The following CTNNA2 variants were observed in gnomAD, a reference collection of about 807,000 sequenced individuals.
CTNNA2 encodes the protein catenin alpha 2.
In CTNNA2, 42 loss-of-function variants were observed where a neutral mutation model predicts 101.0. That is an observed-to-expected ratio of 0.42 (90% CI 0.32 to 0.54). The LOEUF is 0.54. Among genes scored for constraint, CTNNA2 ranks in the 20% least tolerant of loss-of-function variants. The probability of loss-of-function intolerance (pLI) is 0.14; values close to 1 mark genes in which losing one functional copy is unlikely to be tolerated. For missense variants in CTNNA2, 871 were observed against 1,223.1 expected (o/e 0.71, Z 4.29); for synonymous variants, 450 against 456.4 (o/e 0.99, Z 0.18).
chr2:80,265,097 C>G (rs1672905269), intron 7 of CTNNA2, among the ~76,000 whole-genome samples: 1 of 151,776 alleles, frequency 6.6e-6, no homozygotes, highest in African/African-American at 2.4e-5. Flanking sequence ...GGCTCAGCCT[C>G]CTGAGTAGCT....
intron 9 of CTNNA2, among the ~76,000 whole-genome samples, chr2:80,457,847 C>G (rs1481323451): frequency 6.6e-6 from 1 of 151,882 alleles, no homozygotes; most frequent in Admixed American, 6.6e-5. Context: ...TTTTTTTTCT[C>G]TTGTTTAAAA....
At chr2:80,139,867 T>C (rs1702902392) in intron 7 of CTNNA2, among the ~76,000 whole-genome samples, 1 of 152,114 alleles carries the variant, frequency 6.6e-6, no homozygotes, top group Non-Finnish European at 1.5e-5. Context: ...TCTTGGGTGT[T>C]CTGCAAACAA....
intron 7 of CTNNA2, among the ~76,000 whole-genome samples, chr2:80,290,645 A>G (rs963352759): frequency 3.3e-5 from 5 of 151,840 alleles, no homozygotes; most frequent in African/African-American, 1.2e-4. Flanking sequence ...AATACCACAG[A>G]TATGTTGTAT....
chr2:79,318,403 G>T (rs1349605352), intron 3 of CTNNA2, among the ~76,000 whole-genome samples: 2 of 152,130 alleles, frequency 1.3e-5, no homozygotes, highest in East Asian at 3.9e-4. Context: ...GCATTGACTT[G>T]TTCTTACTCC....
chr2:79,783,455 T>C (rs1222893450), intron 3 of CTNNA2, among the ~76,000 whole-genome samples: 1 of 152,188 alleles, frequency 6.6e-6, no homozygotes, highest in South Asian at 2.1e-4. Flanking sequence ...TGTAAACTTA[T>C]TTCTCTCTTC....
At chr2:80,287,949 C>T (rs1674913094) in intron 7 of CTNNA2, among the ~76,000 whole-genome samples, 1 of 152,192 alleles carries the variant, frequency 6.6e-6, no homozygotes, top group South Asian at 2.1e-4. Context: ...TTTGCGAATA[C>T]AGATATGTGG....
chr2:79,860,369 A>G (rs1182331157), intron 4 of CTNNA2, among the ~76,000 whole-genome samples: 3 of 151,884 alleles, frequency 2.0e-5, no homozygotes, highest in Non-Finnish European at 2.9e-5. Flanking sequence ...TACACTCCAC[A>G]CTCGAGAAGT....
intron 3 of CTNNA2, among the ~76,000 whole-genome samples, chr2:79,358,204 CTT>C (rs1244351658): frequency 1.1e-4 from 15 of 142,184 alleles, no homozygotes; most frequent in East Asian, 8.1e-4. Flanking sequence ...TCTTTTTCTT[CTT>C]TTTTTTTTTT....
At chr2:80,611,744 T>C (rs956497895) in intron 17 of CTNNA2, among the ~76,000 whole-genome samples, 2 of 151,596 alleles carry the variant, frequency 1.3e-5, no homozygotes, top group African/African-American at 4.8e-5. Flanking sequence ...TGTAGGACTT[T>C]TAAATTAGCA....
intron 7 of CTNNA2, among the ~76,000 whole-genome samples, chr2:80,062,894 A>G (rs1352956545): frequency 2.0e-5 from 3 of 151,908 alleles, no homozygotes; most frequent in Admixed American, 1.3e-4. Context: ...TTTAGCAGAG[A>G]TGGGGTTTCA....
intron 3 of CTNNA2, among the ~76,000 whole-genome samples, chr2:79,360,828 A>T (rs1677611609): frequency 6.6e-6 from 1 of 152,194 alleles, no homozygotes; most frequent in Non-Finnish European, 1.5e-5. Context: ...CACAGCTAAG[A>T]TCAGTAAAAT....
intron 7 of CTNNA2, among the ~76,000 whole-genome samples, chr2:79,944,634 T>A (rs1688375128): frequency 6.6e-6 from 1 of 152,176 alleles, no homozygotes; most frequent in African/African-American, 2.4e-5. Context: ...TGAAAGTGAT[T>A]GCAACAAAAG....
intron 4 of CTNNA2, among the ~76,000 whole-genome samples, chr2:79,412,948 T>G (rs879307413): frequency 6.6e-5 from 10 of 152,130 alleles, no homozygotes; most frequent in Admixed American, 1.3e-4. Flanking sequence ...AAATTTTATT[T>G]AATTCTTACA....
chr2:79,568,769 C>A (rs894821521), intron 1 of CTNNA2, among the ~76,000 whole-genome samples: 2 of 150,570 alleles, frequency 1.3e-5, no homozygotes, highest in Non-Finnish European at 2.9e-5. Context: ...CACCTGTAAT[C>A]CCAGCACTTT....
chr2:80,451,325 G>A (rs1179361708), intron 9 of CTNNA2, among the ~76,000 whole-genome samples: 1 of 152,068 alleles, frequency 6.6e-6, no homozygotes, highest in African/African-American at 2.4e-5. Context: ...GTTTTATAAG[G>A]AGCTTTTCCC....
chr2:80,602,509 T>C (rs1041053461), intron 15 of CTNNA2, among the ~76,000 whole-genome samples: 1 of 152,056 alleles, frequency 6.6e-6, no homozygotes, highest in Non-Finnish European at 1.5e-5. Flanking sequence ...CAACAAATAT[T>C]GTGTCAGAGT....
intron 7 of CTNNA2, among the ~76,000 whole-genome samples, chr2:80,014,758 C>T (rs1694024807): frequency 6.6e-6 from 1 of 152,178 alleles, no homozygotes; most frequent in Admixed American, 6.5e-5. Flanking sequence ...AATTTGCAGA[C>T]TTTATCTGAC....
intron 7 of CTNNA2, among the ~76,000 whole-genome samples, chr2:80,300,082 A>G (rs1023926763): frequency 6.6e-6 from 1 of 152,104 alleles, no homozygotes; most frequent in Non-Finnish European, 1.5e-5. Context: ...GTGGTATGCT[A>G]TTTAGAAAGG....
chr2:79,387,681 A>C (rs1220030600), intron 4 of CTNNA2, among the ~76,000 whole-genome samples: 2 of 152,166 alleles, frequency 1.3e-5, no homozygotes, highest in Non-Finnish European at 2.9e-5. Context: ...CTGGTGCTAA[A>C]TGTGGGAACT....
Sources: gnomAD v4.1 joint callset for allele counts (sites outside exome capture counted in the v4.1 genomes callset) on GRCh38, gnomAD v4.1.1 for gene constraint, MANE v1.5 for transcripts, NCBI Gene and HGNC (gene_info 2026-07-23, HGNC 2026-07-21) for gene names.